AUTS2: variants seen among roughly 807,000 people sequenced by gnomAD.
The protein encoded by AUTS2 is autism susceptibility gene 2 protein.
AUTS2 carries 17 observed loss-of-function variants against 112.4 expected under a neutral mutation model. That is an observed-to-expected ratio of 0.15 (90% CI 0.10 to 0.23). AUTS2 has a LOEUF of 0.23. AUTS2 is among the 10% of genes least tolerant of loss of function. AUTS2 has a pLI of 1.00. For synonymous variants in AUTS2, 751 were observed against 702.7 expected (o/e 1.07, Z -1.09); for missense variants, 1,510 against 1,701.6 (o/e 0.89, Z 1.98).
rs972514763 is a variant in AUTS2 at position 70,033,386 on chromosome 7, T to C, written c.523-84746T>C. Among the ~76,000 whole-genome samples the C allele has an allele frequency of 3.9e-5, 6 of 152,188 alleles. No homozygotes were observed. In the East Asian group the frequency reaches 9.7e-4, roughly 24 times the overall value. On this transcript the variant is annotated intron_variant, in intron 2 of 18. Transcript: ENST00000342771. ...GAGCCATATGGTGCTAGTCATGATG[T>C]GTATACATGAATTCTAGAAAAAGAG...
chr7:70,407,980 G>A (rs990791724), intron 4 of AUTS2, among the ~76,000 whole-genome samples: 1 of 151,710 alleles, frequency 6.6e-6, no homozygotes, highest in African/African-American at 2.4e-5. Context: ...CGTGAACCCG[G>A]GCGGCAGAGC....
chr7:69,830,592 A>G (rs1042561852), intron 1 of AUTS2, among the ~76,000 whole-genome samples: 4 of 152,194 alleles, frequency 2.6e-5, no homozygotes, highest in Non-Finnish European at 5.9e-5. Context: ...GATCTGTATC[A>G]CATCCTCCTG....
At chr7:70,429,147 C>T (rs1006619864) in intron 4 of AUTS2, among the ~76,000 whole-genome samples, 1 of 152,180 alleles carries the variant, frequency 6.6e-6, no homozygotes, top group Non-Finnish European at 1.5e-5. Flanking sequence ...TTTGGAATCA[C>T]CTGCCTTTTA....
chr7:69,759,438 C>T (rs146017583), intron 1 of AUTS2, among the ~76,000 whole-genome samples: 281 of 152,096 alleles, frequency 1.8e-3, no homozygotes, highest in African/African-American at 6.7e-3. Flanking sequence ...TGCAGCTGCT[C>T]ATGTGAGTCC....
intron 2 of AUTS2, among the ~76,000 whole-genome samples, chr7:69,946,385 G>A (rs138123750): frequency 3.0e-3 from 457 of 152,206 alleles, no homozygotes; most frequent in African/African-American, 0.01. Context: ...TAGAACTGCC[G>A]TAGGCTTTAT....
At chr7:70,678,763 T>C (rs1463070894) in intron 5 of AUTS2, among the ~76,000 whole-genome samples, 1 of 152,204 alleles carries the variant, frequency 6.6e-6, no homozygotes, top group African/African-American at 2.4e-5. Context: ...CTAAATTTTA[T>C]TGTGGGTTGA....
Position 69,832,676 on chromosome 7 carries a change from A to G in AUTS2, c.310-66610A>G, listed in dbSNP as rs564964372. ...CAACAGGCTAAGAGAATAATTACAGACCTATTTAGGAAATCTAGTTCTTGG... is the reference window on the plus strand; with the variant it reads ...CAACAGGCTAAGAGAATAATTACAGGCCTATTTAGGAAATCTAGTTCTTGG... On this transcript the variant is annotated intron_variant, in intron 1 of 18. Transcript: ENST00000342771. Among the ~76,000 whole-genome samples, 1,351 of 152,300 alleles carry G rather than the reference A, an allele frequency of 8.9e-3. 23 individuals are homozygous for G. Among genetic ancestry groups the G allele is most frequent in the African/African-American group, 0.031 (1,287 of 41,560 alleles).
intron 9 of AUTS2, 62 bp from the exon 10 acceptor site, chr7:70,767,962 C>T: frequency 6.5e-7 from 1 of 1,539,114 alleles, no homozygotes; most frequent in Non-Finnish European, 9.0e-7. Flanking sequence ...GGGCCACCTC[C>T]ACTGTAGCAG....
intron 1 of AUTS2, among the ~76,000 whole-genome samples, chr7:69,640,220 C>G (rs1419766416): frequency 6.6e-6 from 1 of 151,786 alleles, no homozygotes; most frequent in Non-Finnish European, 1.5e-5. Flanking sequence ...AGGCTGCTAG[C>G]AATTATTTAC....
rs190278928 is a variant in AUTS2, at chr7:70,192,416, G to A, written c.660+57845G>A. Among the ~76,000 whole-genome samples, 688 of 152,184 alleles carry A rather than the reference G, an allele frequency of 4.5e-3. 5 individuals are homozygous for A. Among genetic ancestry groups the A allele is most frequent in the Non-Finnish European group, 6.1e-3 (412 of 68,008 alleles). On this transcript the variant is annotated intron_variant, in intron 4 of 18. Transcript: ENST00000342771. ...TTGCTTTAAATTTGCCAAATGAAAC[G>A]AAAGTTTTACGGTTTTCCTTTTAAG...
chr7:69,858,427 G>T (rs886386696), intron 1 of AUTS2, among the ~76,000 whole-genome samples: 1 of 152,188 alleles, frequency 6.6e-6, no homozygotes, highest in African/African-American at 2.4e-5. Flanking sequence ...TGGCTGCTGA[G>T]ATAGTCACTT....
intron 5 of AUTS2, among the ~76,000 whole-genome samples, chr7:70,599,071 C>T (rs937378058): frequency 1.3e-5 from 2 of 152,236 alleles, no homozygotes; most frequent in Admixed American, 6.5e-5. Context: ...TTCTTCCCAC[C>T]GTCTTTGGTT....
chr7:70,744,067 ATTG>A (rs936350984), intron 6 of AUTS2, among the ~76,000 whole-genome samples: 3 of 151,030 alleles, frequency 2.0e-5, no homozygotes, highest in Admixed American at 6.6e-5. Context: ...ACATTTTCAT[ATTG>A]TTCTCACTTT....
At chr7:70,432,947 C>T (rs779137398) in intron 4 of AUTS2, among the ~76,000 whole-genome samples, 2 of 152,124 alleles carry the variant, frequency 1.3e-5, no homozygotes, top group African/African-American at 4.8e-5. Flanking sequence ...CTGGCCTTGT[C>T]GAGGAGCTGT....
intron 2 of AUTS2, among the ~76,000 whole-genome samples, chr7:69,914,392 C>CAA (rs1371375218): frequency 2.0e-5 from 3 of 150,760 alleles, no homozygotes; most frequent in Non-Finnish European, 4.4e-5. Context: ...CACACACACA[C>CAA]ACAAACAATC....
At position 70,219,079 on chromosome 7, in the gene AUTS2, A is replaced by G. The variant is rs376246800; in HGVS notation, c.660+84508A>G. ...CTAAAACAGATTTGTTTTCCACTCA[A>G]TTAGACTTGTGATCACGAGAACACA... On this transcript the variant is annotated intron_variant, in intron 4 of 18. Coordinates refer to ENST00000342771, the MANE Select transcript of AUTS2 (RefSeq NM_015570.4). Among the ~76,000 whole-genome samples, 11 of 152,322 alleles carry G rather than the reference A, an allele frequency of 7.2e-5. No individual in the cohort carries two copies. In the East Asian group the frequency reaches 1.7e-3, roughly 24 times the overall value.
chr7:70,071,977 C>T (rs1279115608), intron 2 of AUTS2, among the ~76,000 whole-genome samples: 3 of 54,240 alleles, frequency 5.5e-5, no homozygotes, highest in Non-Finnish European at 1.0e-4. Context: ...TCTCTAATAG[C>T]AGGGTTACTG....
chr7:70,358,547 C>T (rs1792113278), intron 4 of AUTS2, among the ~76,000 whole-genome samples: 1 of 152,240 alleles, frequency 6.6e-6, no homozygotes, highest in Non-Finnish European at 1.5e-5. Context: ...CATGGCCTGC[C>T]CTTGGGAGGA....
At chr7:69,827,592 G>T (rs1052780362) in intron 1 of AUTS2, among the ~76,000 whole-genome samples, 1 of 152,184 alleles carries the variant, frequency 6.6e-6, no homozygotes, top group Non-Finnish European at 1.5e-5. Flanking sequence ...ACTTGGCCAG[G>T]GGAAAGGTGT....
Sources: allele counts gnomAD v4.1 joint callset (sites outside exome capture counted in the v4.1 genomes callset), GRCh38; gene constraint gnomAD v4.1.1; transcripts MANE v1.5; gene names NCBI Gene and HGNC (gene_info 2026-07-23, HGNC 2026-07-21).